Variants in SDK2 observed in about 807,000 individuals in gnomAD.
The protein encoded by SDK2 is sidekick cell adhesion molecule 2.
SDK2 carries 105 observed loss-of-function variants against 253.9 expected under a neutral mutation model. That is an observed-to-expected ratio of 0.41 (90% CI 0.35 to 0.49). The LOEUF (loss-of-function observed/expected upper bound fraction) is 0.49, where lower values mean the gene tolerates loss of function less well. Among genes scored for constraint, SDK2 ranks in the 20% least tolerant of loss-of-function variants. The probability of loss-of-function intolerance (pLI) is 0.06; values close to 1 mark genes in which losing one functional copy is unlikely to be tolerated. For missense variants in SDK2, 2,608 were observed against 3,003.0 expected (o/e 0.87, Z 3.07); for synonymous variants, 1,249 against 1,234.9 (o/e 1.01, Z -0.24).
At chr17:73,403,948 G>T (rs2063050084) in intron 18 of SDK2, among the ~76,000 whole-genome samples, 1 of 152,200 alleles carries the variant, frequency 6.6e-6, no homozygotes, top group Admixed American at 6.5e-5. Flanking sequence ...TATGCTGTTA[G>T]AATTAATTGT....
At chr17:73,477,735 G>C (rs1407005609) in intron 2 of SDK2, among the ~76,000 whole-genome samples, 1 of 152,128 alleles carries the variant, frequency 6.6e-6, no homozygotes, top group African/African-American at 2.4e-5. Flanking sequence ...GGAGCATGGA[G>C]TCCCCTGCCT....
intron 1 of SDK2, among the ~76,000 whole-genome samples, chr17:73,636,680 C>CAAAAAAAA (rs561026344): frequency 4.1e-4 from 21 of 50,992 alleles, no homozygotes; most frequent in African/African-American, 4.6e-4. Flanking sequence ...GACTCTGTCT[C>CAAAAAAAA]AAAAAAAAAA....
intron 3 of SDK2, among the ~76,000 whole-genome samples, chr17:73,470,023 C>CACAA (rs2063636134): frequency 6.6e-6 from 1 of 151,174 alleles, no homozygotes; most frequent in East Asian, 1.9e-4. Flanking sequence ...CACACACACA[C>CACAA]ACACACACAC....
intron 1 of SDK2, among the ~76,000 whole-genome samples, chr17:73,593,515 C>T (rs1426392983): frequency 6.6e-6 from 1 of 152,138 alleles, no homozygotes; most frequent in African/African-American, 2.4e-5. Context: ...TCTAAGGGAC[C>T]AGGAGTGGCC....
chr17:73,617,366 CAA>C (rs1327696845), intron 1 of SDK2, among the ~76,000 whole-genome samples: 2 of 151,816 alleles, frequency 1.3e-5, no homozygotes, highest in African/African-American at 2.4e-5. Flanking sequence ...TCTTAGGAGG[CAA>C]AGAGTCAATG....
At chr17:73,575,446 G>A (rs568642837) in intron 1 of SDK2, among the ~76,000 whole-genome samples, 2 of 152,374 alleles carry the variant, frequency 1.3e-5, no homozygotes, top group South Asian at 4.1e-4. Context: ...ATGTGAGGCT[G>A]TGAAAAGTGG....
intron 5 of SDK2, among the ~76,000 whole-genome samples, chr17:73,444,405 A>G (rs2063437056): frequency 6.6e-6 from 1 of 152,160 alleles, no homozygotes. Flanking sequence ...GACCATGAAA[A>G]TCACAGGTGA....
chr17:73,381,650 G>A (rs972523348), intron 33 of SDK2, among the ~76,000 whole-genome samples: 4 of 152,044 alleles, frequency 2.6e-5, no homozygotes, highest in African/African-American at 9.7e-5. Context: ...GGAAGCCAAG[G>A]TGGGTGGATC....
intron 2 of SDK2, among the ~76,000 whole-genome samples, chr17:73,477,682 C>T (rs1053509739): frequency 1.3e-5 from 2 of 152,152 alleles, no homozygotes; most frequent in African/African-American, 4.8e-5. Flanking sequence ...GAGGCCCTCC[C>T]CCTAGAATGG....
At chr17:73,442,658 C>T (rs890765700) in intron 5 of SDK2, among the ~76,000 whole-genome samples, 3 of 152,056 alleles carry the variant, frequency 2.0e-5, no homozygotes, top group South Asian at 2.1e-4. Context: ...GCGGTCTTGA[C>T]GACCACCTCT....
chr17:73,339,557 G>A (rs2062416089), intron 44 of SDK2, among the ~76,000 whole-genome samples: 2 of 151,132 alleles, frequency 1.3e-5, no homozygotes, highest in Non-Finnish European at 2.9e-5. Context: ...CTTTTTTTTG[G>A]GGGGCGGGGA....
chr17:73,441,121 C>G (rs1246858316), intron 5 of SDK2, among the ~76,000 whole-genome samples, 198 bp from the exon 6 acceptor site: 1 of 152,142 alleles, frequency 6.6e-6, no homozygotes, highest in African/African-American at 2.4e-5. Flanking sequence ...TGATGAGTCA[C>G]CACACCAGGG....
At position 73,509,902 on chromosome 17, in the gene SDK2, C is replaced by CAAAAAAAAAAAAAAAAAA. The variant is rs71157018; in HGVS notation, c.65-2323_65-2306dup. 7.5e-3 allele frequency among the ~76,000 whole-genome samples: 189 copies of CAAAAAAAAAAAAAAAAAA among 25,350 alleles called. 14 individuals are homozygous for CAAAAAAAAAAAAAAAAAA. Among genetic ancestry groups the CAAAAAAAAAAAAAAAAAA allele is most frequent in the African/African-American group, 9.3e-3 (49 of 5,258 alleles). The allele number at this position is 25,350 out of a possible 152,430, so 16.6% of individuals were successfully genotyped here. On this transcript the variant is annotated intron_variant, in intron 1 of 44. Coordinates refer to ENST00000392650, the MANE Select transcript of SDK2 (RefSeq NM_001144952.2). ...GCAACAGAGCAAGACTCCATCTCTA[C>CAAAAAAAAAAAAAAAAAA]AAAAAAAAAAAAAAAAAAAAGAAGG...
At chr17:73,559,038 T>C (rs560557515) in intron 1 of SDK2, among the ~76,000 whole-genome samples, 26 of 152,292 alleles carry the variant, frequency 1.7e-4, no homozygotes, top group African/African-American at 6.0e-4. Flanking sequence ...AAACCACCCA[T>C]GGGAAGGAAA....
chr17:73,585,826 C>G (rs1026941085), intron 1 of SDK2, among the ~76,000 whole-genome samples: 2 of 152,134 alleles, frequency 1.3e-5, no homozygotes, highest in Non-Finnish European at 2.9e-5. Context: ...CCTGTGTGAC[C>G]CTGGGAAAGT....
chr17:73,628,263 T>C (rs539722722), intron 1 of SDK2, among the ~76,000 whole-genome samples: 23 of 152,316 alleles, frequency 1.5e-4, no homozygotes, highest in Middle Eastern at 3.4e-3. Flanking sequence ...ACACCGTGGC[T>C]GAGAACACAG....
intron 2 of SDK2, among the ~76,000 whole-genome samples, chr17:73,495,871 G>C (rs2063838425): frequency 6.6e-6 from 1 of 152,118 alleles, no homozygotes. Flanking sequence ...TGAGTACACT[G>C]GCTCCATGCC....
chr17:73,479,911 T>A (rs7406913), intron 2 of SDK2, among the ~76,000 whole-genome samples: 71,393 of 152,118 alleles, frequency 0.47, 16,932 homozygotes, highest in Admixed American at 0.5. Context: ...CAGGCTGATC[T>A]TGAACTCCTG....
rs79224902 is a variant in SDK2 at position 73,446,821 on chromosome 17, C to T, written c.613+794G>A. Among the ~76,000 whole-genome samples, 390 of 152,228 alleles carry T rather than the reference C, an allele frequency of 2.6e-3. 14 individuals carry two copies. In the East Asian group the frequency reaches 0.064, roughly 25 times the overall value. ...CCACATACTCTGGGATTTGGGCCTACGCTGCTCCTGGGCTGTCCACCCCTC... is the reference window on the plus strand; with the variant it reads ...CCACATACTCTGGGATTTGGGCCTATGCTGCTCCTGGGCTGTCCACCCCTC... On this transcript the variant is annotated intron_variant, in intron 5 of 44. Coordinates refer to ENST00000392650, the MANE Select transcript of SDK2 (RefSeq NM_001144952.2).
Sources: allele counts gnomAD v4.1 joint callset (sites outside exome capture counted in the v4.1 genomes callset), GRCh38; gene constraint gnomAD v4.1.1; transcripts MANE v1.5; gene names NCBI Gene and HGNC (gene_info 2026-07-23, HGNC 2026-07-21).